The following EHBP1 variants were observed in gnomAD, a reference collection of about 807,000 sequenced individuals.
The protein encoded by EHBP1 is EH domain-binding protein 1.
In EHBP1, 55 loss-of-function variants were observed where a neutral mutation model predicts 144.0. That is an observed-to-expected ratio of 0.38 (90% CI 0.31 to 0.48). The LOEUF (loss-of-function observed/expected upper bound fraction) is 0.48, where lower values mean the gene tolerates loss of function less well. Ranked by LOEUF, EHBP1 falls within the 20% of genes least tolerant of loss-of-function variation. The pLI is 0.98. For synonymous variants in EHBP1, 469 were observed against 472.7 expected (o/e 0.99, Z 0.10); for missense variants, 1,200 against 1,364.2 (o/e 0.88, Z 1.90).
chr2:62,979,104 C>A (rs2058842081), intron 14 of EHBP1, 84 bp from the exon 15 acceptor site: 2 of 1,410,982 alleles, frequency 1.4e-6, no homozygotes, highest in Non-Finnish European at 1.9e-6. Context: ...ATGCTGTAAA[C>A]CAGTTACTAT....
At chr2:62,797,818 C>A (rs1452827788) in intron 5 of EHBP1, among the ~76,000 whole-genome samples, 1 of 152,220 alleles carries the variant, frequency 6.6e-6, no homozygotes, top group Non-Finnish European at 1.5e-5. Context: ...CTTTCTGGGT[C>A]TAAGTTTCCT....
chr2:62,926,827 C>T (rs1182370056), intron 10 of EHBP1, among the ~76,000 whole-genome samples: 1 of 152,056 alleles, frequency 6.6e-6, no homozygotes, highest in East Asian at 1.9e-4. Context: ...TCCAGCAGTC[C>T]TCCTACTACT....
In EHBP1 at chr2:63,031,169, C is replaced by T. The variant is rs572448747; in HGVS notation, c.3104-6366C>T. 3.6e-4 allele frequency among the ~76,000 whole-genome samples: 55 copies of T among 152,246 alleles called. 1 individual carries two copies. Among genetic ancestry groups the T allele is most frequent in the African/African-American group, 1.1e-3 (47 of 41,538 alleles). ...ATCTTTGATATTAATATATCTGTCA[C>T]TTCTAGAGCCACTTGAGTCATTCCC... On this transcript the variant is annotated intron_variant, in intron 19 of 22. Transcript: ENST00000431489.
chr2:62,889,545 G>A lies in EHBP1; in HGVS notation c.1185+15013G>A, dbSNP rs182064287. On this transcript the variant is annotated intron_variant, in intron 10 of 22. Coordinates refer to ENST00000431489, the MANE Select transcript of EHBP1 (RefSeq NM_001142616.3). Reference sequence around the variant, plus strand: ...TTGTAGTTTTGGGTTTTACATTTAAGTCTTTAATCTATCTTGAGTTAATTT... The same window carrying A: ...TTGTAGTTTTGGGTTTTACATTTAAATCTTTAATCTATCTTGAGTTAATTT... Among the ~76,000 whole-genome samples the A allele has an allele frequency of 7.4e-4, 113 of 152,232 alleles. 1 individual carries two copies. In the East Asian group the frequency reaches 0.013, roughly 18 times the overall value.
At chr2:62,686,566 T>C (rs1429270477) in intron 1 of EHBP1, among the ~76,000 whole-genome samples, 1 of 152,228 alleles carries the variant, frequency 6.6e-6, no homozygotes, top group Non-Finnish European at 1.5e-5. Context: ...CGTATTGCTC[T>C]CTGCAATGCA....
chr2:62,864,109 A>C (rs1251188819), intron 8 of EHBP1, among the ~76,000 whole-genome samples: 1 of 151,960 alleles, frequency 6.6e-6, no homozygotes, highest in Admixed American at 6.6e-5. Context: ...CGGCCTCCCA[A>C]AGAGTTGGGA....
At chr2:62,927,762 G>C (rs2055643805) in intron 10 of EHBP1, among the ~76,000 whole-genome samples, 1 of 152,120 alleles carries the variant, frequency 6.6e-6, no homozygotes. Flanking sequence ...ATGTGAACTA[G>C]ATCTAACAAA....
chr2:62,957,218 CAACATT>C (rs1216046894), intron 14 of EHBP1, among the ~76,000 whole-genome samples: 1 of 151,682 alleles, frequency 6.6e-6, no homozygotes, highest in Non-Finnish European at 1.5e-5. Flanking sequence ...ATGTAATTGA[CAACATT>C]AACAGAATAA....
rs2057237660 is a variant in EHBP1, at chr2:62,949,080, C to A, written c.2234C>A (p.Ala745Asp). 3 of 1,607,534 alleles carry A rather than the reference C, an allele frequency of 1.9e-6. No individual in the cohort carries two copies. Among genetic ancestry groups the A allele is most frequent in the Non-Finnish European group, 2.5e-6 (3 of 1,178,472 alleles). The change falls in exon 13 of 23, where the codon GCT (alanine) becomes GAT (aspartate). Residue 745 changes from alanine (A) to aspartate (D), a missense_variant. This residue lies in a region of EHBP1 where 543 missense variants were observed against 513.1 expected (regional missense o/e 1.06). Coordinates refer to ENST00000431489, the MANE Select transcript of EHBP1 (RefSeq NM_001142616.3). ...RDLDLAKKKH[A>D]SLRQTESDPD... ...CTAGACCTTGCTAAGAAAAAACATG[C>A]TTCCCTGAGGCAGACGGAGTCTGAT...
chr2:62,862,132 A>G (rs547734242), intron 8 of EHBP1, among the ~76,000 whole-genome samples: 7 of 152,276 alleles, frequency 4.6e-5, no homozygotes, highest in African/African-American at 7.2e-5. Flanking sequence ...TCTTTAGGCT[A>G]TGTTTAAATT....
chr2:62,751,068 G>C (rs1006300388), intron 3 of EHBP1, among the ~76,000 whole-genome samples: 4 of 152,174 alleles, frequency 2.6e-5, no homozygotes, highest in African/African-American at 4.8e-5. Context: ...TGTGAATTTT[G>C]AAAGGGAATG....
intron 12 of EHBP1, among the ~76,000 whole-genome samples, chr2:62,944,364 GTAAGATTA>G (rs921934495): frequency 6.6e-6 from 1 of 152,176 alleles, no homozygotes; most frequent in Non-Finnish European, 1.5e-5. Flanking sequence ...GTGATGTACC[GTAAGATTA>G]TAATACCTCA....
chr2:62,749,555 C>T (rs1179609423), intron 3 of EHBP1, among the ~76,000 whole-genome samples: 8 of 152,178 alleles, frequency 5.3e-5, no homozygotes, highest in South Asian at 2.1e-4. Flanking sequence ...CTTGAGGAAT[C>T]GCCACACTGA....
Position 62,831,097 on chromosome 2 carries a change from A to C in EHBP1, c.573A>C (p.Glu191Asp), listed in dbSNP as rs2046793185. Residue 191 changes from glutamate (E) to aspartate (D), a missense_variant, in exon 7 of 23, where the codon GAA becomes GAC. This residue lies in a region of EHBP1 where 11 missense variants were observed against 38.6 expected (regional missense o/e 0.28). Coordinates refer to ENST00000431489, the MANE Select transcript of EHBP1 (RefSeq NM_001142616.3). ...ADIGNLDDFE[E>D]DNEDDDENRV... Reference sequence around the variant, plus strand: ...TTGGCAATTTAGATGACTTCGAAGAAGATAATGAAGATGATGATGAGAACA... The same window carrying C: ...TTGGCAATTTAGATGACTTCGAAGACGATAATGAAGATGATGATGAGAACA... 6.2e-7 allele frequency: 1 copy of C among 1,609,532 alleles called. No individual in the cohort carries two copies.
chr2:62,872,167 C>A (rs2050541751), intron 9 of EHBP1: 1 of 152,036 alleles, frequency 6.6e-6, no homozygotes, highest in African/African-American at 2.4e-5. Flanking sequence ...TAATCCTGAA[C>A]CAACTTTGGT....
At chr2:63,044,993 C>T in intron 21 of EHBP1, 73 bp from the exon 22 acceptor site, 1 of 983,114 alleles carries the variant, frequency 1.0e-6, no homozygotes, top group Non-Finnish European at 1.5e-6. Flanking sequence ...CTGGAAAAGG[C>T]GGGAAGGGGA....
At chr2:62,966,231 C>T (rs1277086825) in intron 14 of EHBP1, among the ~76,000 whole-genome samples, 3 of 152,096 alleles carry the variant, frequency 2.0e-5, no homozygotes, top group Non-Finnish European at 4.4e-5. Context: ...CTGAAAATAC[C>T]TCTTAGAGGG....
intron 2 of EHBP1, among the ~76,000 whole-genome samples, chr2:62,726,397 G>A (rs1461341805): frequency 6.6e-6 from 1 of 152,170 alleles, no homozygotes; most frequent in African/African-American, 2.4e-5. Context: ...AGGTAGCCCC[G>A]TGCTGGGTTT....
chr2:62,824,806 T>A (rs1269070003), intron 5 of EHBP1, among the ~76,000 whole-genome samples: 2 of 152,110 alleles, frequency 1.3e-5, no homozygotes, highest in South Asian at 2.1e-4. Flanking sequence ...GGGTTTTTTT[T>A]AAAGGCTGTT....
Sources: gnomAD v4.1 joint callset for allele counts (sites outside exome capture counted in the v4.1 genomes callset) on GRCh38, gnomAD v4.1.1 for gene constraint, gnomAD v4.1.1 regional missense constraint, MANE v1.5 for transcripts, NCBI Gene and HGNC (gene_info 2026-07-23, HGNC 2026-07-21) for gene names.